Variants in ZNF148 observed in about 807,000 individuals in gnomAD.
The protein encoded by ZNF148 is zinc finger protein 148, also known as Beta-Enolase Repressor Factor-1.
ZNF148 carries 7 observed loss-of-function variants against 67.7 expected under a neutral mutation model. The observed-to-expected ratio is 0.10, with a 90% CI of 0.06 to 0.19. ZNF148 has a LOEUF of 0.19. Among genes scored for constraint, ZNF148 ranks in the 10% least tolerant of loss-of-function variants. The pLI is 1.00. For missense variants in ZNF148, 583 were observed against 947.1 expected (o/e 0.62, Z 5.05); for synonymous variants, 333 against 330.7 (o/e 1.01, Z -0.08).
Position 125,333,834 on chromosome 3 carries a change from A to G in ZNF148, c.-233-2596T>C, listed in dbSNP as rs185719044. On this transcript the variant is annotated intron_variant, in intron 1 of 8. Transcript: ENST00000360647. Reference sequence around the variant, plus strand: ...CAATAGGTCACAAGTTTATGCCTATAGCTAAACGCCTATGCCTTCTGCATC... The same window carrying G: ...CAATAGGTCACAAGTTTATGCCTATGGCTAAACGCCTATGCCTTCTGCATC... 4.6e-5 allele frequency among the ~76,000 whole-genome samples: 7 copies of G among 152,376 alleles called. No individual in the cohort carries two copies. In the East Asian group the frequency reaches 1.3e-3, roughly 29 times the overall value.
At chr3:125,342,344 AAAAAAAAAAGAC>A (rs530749581) in intron 1 of ZNF148, among the ~76,000 whole-genome samples, 16,297 of 38,690 alleles carry the variant, frequency 0.42, 2,866 homozygotes, top group African/African-American at 0.58. Context: ...AACTAAAGAC[AAAAAAAAAAGAC>A]AAAAAAAAAA....
In ZNF148 at chr3:125,288,151, T is replaced by A; in HGVS notation, c.411A>T (p.Pro137=). The change falls in exon 5 of 9, where the codon CCA becomes CCT. Residue 137 remains proline (P), a synonymous_variant. Transcript: ENST00000360647. Reference sequence around the variant, plus strand: ...GCTTCTTCTTTTTCTGTAAGTCTACTGGCTCTCTGATTTGTTTTTTGTCTC... The same window carrying A: ...GCTTCTTCTTTTTCTGTAAGTCTACAGGCTCTCTGATTTGTTTTTTGTCTC... ...LMRDKKQIRE[P]VDLQKKKKRK... 1 of 1,613,962 alleles carries A rather than the reference T, an allele frequency of 6.2e-7. No individual in the cohort carries two copies. Among genetic ancestry groups the A allele is most frequent in the Non-Finnish European group, 8.5e-7 (1 of 1,179,910 alleles).
rs1935654305 is a variant in ZNF148, at chr3:125,226,750, T to C, written c.*5591A>G. On this transcript the variant is annotated 3_prime_UTR_variant, in exon 9 of 9. Coordinates refer to ENST00000360647, the MANE Select transcript of ZNF148 (RefSeq NM_021964.3). ...TTAAAGAAACAAAAAACCTCCCAATTGTTTAAAAACAATTCTATTTGGAGA... is the reference window on the plus strand; with the variant it reads ...TTAAAGAAACAAAAAACCTCCCAATCGTTTAAAAACAATTCTATTTGGAGA... 6.6e-6 allele frequency: 1 copy of C among 152,634 alleles called. No individual in the cohort carries two copies. The highest frequency in any genetic ancestry group is 1.5e-5 in the Non-Finnish European group (1 of 68,026). 9.5% of individuals were successfully genotyped at this position (152,634 alleles called of 1,614,324 possible). A position where few individuals can be genotyped will look rare whatever the true frequency, so the allele number is the denominator to read the frequency against.
chr3:125,280,758 C>CA (rs1299591282), intron 5 of ZNF148, among the ~76,000 whole-genome samples: 44,977 of 93,342 alleles, frequency 0.48, 9,947 homozygotes, highest in Non-Finnish European at 0.56. Context: ...TTGACGAAAG[C>CA]AAAAAAAAAA....
chr3:125,360,751 G>A (rs549237696), intron 1 of ZNF148, among the ~76,000 whole-genome samples: 9 of 151,158 alleles, frequency 6.0e-5, no homozygotes, highest in African/African-American at 1.9e-4. Flanking sequence ...GGCCAAGGAG[G>A]GAAGATCGCT....
chr3:125,374,891 C>G (rs1294551785), intron 1 of ZNF148, among the ~76,000 whole-genome samples: 1 of 151,830 alleles, frequency 6.6e-6, no homozygotes, highest in Non-Finnish European at 1.5e-5. Context: ...CTCAACCCCC[C>G]AACCCACCCT....
At chr3:125,265,956 C>T (rs1937521083) in intron 7 of ZNF148, among the ~76,000 whole-genome samples, 1 of 151,776 alleles carries the variant, frequency 6.6e-6, no homozygotes, top group South Asian at 2.1e-4. Context: ...TTTAAACCAA[C>T]AGTAAAAAAA....
At chr3:125,317,723 T>G (rs1291797292) in intron 3 of ZNF148, among the ~76,000 whole-genome samples, 1 of 139,850 alleles carries the variant, frequency 7.2e-6, no homozygotes, top group East Asian at 2.0e-4. Context: ...ATTTTTTTTT[T>G]TTTCTGGTAA....
At chr3:125,240,709 A>G (rs1476212823) in intron 7 of ZNF148, among the ~76,000 whole-genome samples, 1 of 150,506 alleles carries the variant, frequency 6.6e-6, no homozygotes, top group Non-Finnish European at 1.5e-5. Context: ...GGCTGCAGTG[A>G]GCTGTGATTG....
intron 1 of ZNF148, among the ~76,000 whole-genome samples, chr3:125,348,107 A>G (rs565856136): frequency 1.3e-5 from 2 of 152,122 alleles, no homozygotes; most frequent in East Asian, 3.9e-4. Flanking sequence ...AAAAAATACA[A>G]AAATTAGCTG....
At position 125,279,036 on chromosome 3, in the gene ZNF148, C is replaced by A. The variant is rs973514177; in HGVS notation, c.583+88G>T. 5 of 1,365,372 alleles carry A rather than the reference C, an allele frequency of 3.7e-6. No individual in the cohort carries two copies. In the Admixed American group the frequency reaches 1.1e-4, roughly 31 times the overall value. 84.6% of individuals were successfully genotyped at this position (1,365,372 alleles called of 1,614,324 possible). On this transcript the variant is annotated intron_variant, in intron 6 of 8. Coordinates refer to ENST00000360647, the MANE Select transcript of ZNF148 (RefSeq NM_021964.3). ...TTTGGAATGCCAGATTAGCTATGGT[C>A]TTAGGAATGAATGACAGTTACACGA...
At chr3:125,371,012 C>CA (rs1389204508) in intron 1 of ZNF148, among the ~76,000 whole-genome samples, 1 of 151,980 alleles carries the variant, frequency 6.6e-6, no homozygotes, top group African/African-American at 2.4e-5. Flanking sequence ...TACATCCCCC[C>CA]AAAAAACACA....
intron 1 of ZNF148, among the ~76,000 whole-genome samples, chr3:125,374,226 C>G (rs1480828721): frequency 6.6e-6 from 1 of 152,140 alleles, no homozygotes; most frequent in South Asian, 2.1e-4. Context: ...CCCACACTTA[C>G]CAGATGTCAT....
At chr3:125,236,181 G>A (rs1936082682) in intron 7 of ZNF148, among the ~76,000 whole-genome samples, 1 of 151,332 alleles carries the variant, frequency 6.6e-6, no homozygotes, top group South Asian at 2.1e-4. Flanking sequence ...CAGAATCCAG[G>A]CCTAAATTAT....
chr3:125,332,284 T>C (rs1283840012), intron 1 of ZNF148, among the ~76,000 whole-genome samples: 1 of 152,210 alleles, frequency 6.6e-6, no homozygotes, highest in Admixed American at 6.5e-5. Context: ...AGCTCCTAAT[T>C]GCTTGCCTCA....
chr3:125,267,075 GAAAA>G, intron 7 of ZNF148, among the ~76,000 whole-genome samples: 1 of 105,252 alleles, frequency 9.5e-6, no homozygotes, highest in East Asian at 2.8e-4. Flanking sequence ...AACCAGGAAA[GAAAA>G]AAAAAAAAAA....
chr3:125,305,364 A>G (rs1466673829), intron 4 of ZNF148, among the ~76,000 whole-genome samples: 1 of 152,228 alleles, frequency 6.6e-6, no homozygotes, highest in African/African-American at 2.4e-5. Flanking sequence ...GAATTAACCC[A>G]GACTAACAAA....
intron 7 of ZNF148, among the ~76,000 whole-genome samples, chr3:125,239,070 T>C (rs572777174): frequency 3.3e-4 from 51 of 152,282 alleles, no homozygotes; most frequent in Non-Finnish European, 5.4e-4. Context: ...TTCAGAGTGA[T>C]AGAAAGTAGA....
At chr3:125,352,138 A>C (rs528697947) in intron 1 of ZNF148, among the ~76,000 whole-genome samples, 2 of 148,934 alleles carry the variant, frequency 1.3e-5, no homozygotes, top group South Asian at 2.1e-4. Context: ...AAAAAAAAAA[A>C]CAAAGTGGAA....
Sources: allele counts gnomAD v4.1 joint callset (sites outside exome capture counted in the v4.1 genomes callset), GRCh38; gene constraint gnomAD v4.1.1; transcripts MANE v1.5; gene names NCBI Gene and HGNC (gene_info 2026-07-23, HGNC 2026-07-21).